The following RBFOX1 variants were observed in gnomAD, a reference collection of about 807,000 sequenced individuals.
RBFOX1 encodes RNA binding protein fox-1 homolog 1.
A neutral mutation model predicts 57.7 loss-of-function variants in RBFOX1; 8 were observed. That is an observed-to-expected ratio of 0.14 (90% confidence interval 0.08 to 0.25). The LOEUF is 0.25. RBFOX1 is among the 10% of genes least tolerant of loss of function. The pLI, the probability that RBFOX1 is intolerant of heterozygous loss-of-function variation, is 1.00. For missense variants in RBFOX1, 611 were observed against 548.5 expected (o/e 1.11, Z -1.14); for synonymous variants, 326 against 222.4 (o/e 1.47, Z -4.15).
intron 1 of RBFOX1, among the ~76,000 whole-genome samples, chr16:5,362,728 C>T (rs112899802): frequency 5.3e-5 from 8 of 152,232 alleles, no homozygotes; most frequent in Admixed American, 1.3e-4. Flanking sequence ...CCCCGACAAC[C>T]ACCATTTTGC....
intron 3 of RBFOX1, among the ~76,000 whole-genome samples, chr16:6,927,445 A>G (rs2075806027): frequency 7.6e-6 from 1 of 131,540 alleles, no homozygotes; most frequent in African/African-American, 2.9e-5. Context: ...AAAAATCCGA[A>G]CGTCTCGTGT....
chr16:7,124,816 C>T (rs563986190), intron 4 of RBFOX1, among the ~76,000 whole-genome samples: 13 of 152,034 alleles, frequency 8.6e-5, no homozygotes, highest in African/African-American at 3.1e-4. Flanking sequence ...AGAGACAGTC[C>T]GTATCCTGTT....
intron 2 of RBFOX1, among the ~76,000 whole-genome samples, chr16:5,550,405 G>A (rs1039044717): frequency 2.0e-5 from 3 of 152,184 alleles, no homozygotes; most frequent in Non-Finnish European, 2.9e-5. Context: ...GAGCCACCCT[G>A]GGCTCTGATT....
intron 3 of RBFOX1, among the ~76,000 whole-genome samples, chr16:6,941,931 C>T (rs896031650): frequency 6.6e-6 from 1 of 152,088 alleles, no homozygotes; most frequent in African/African-American, 2.4e-5. Flanking sequence ...CTTCAGTCTC[C>T]CAAGTAGCTG....
intron 4 of RBFOX1, among the ~76,000 whole-genome samples, chr16:7,240,947 C>G (rs1283773557): frequency 6.6e-6 from 1 of 152,184 alleles, no homozygotes; most frequent in African/African-American, 2.4e-5. Flanking sequence ...AAGTTTCTAA[C>G]TTTGTTGGAA....
intron 4 of RBFOX1, among the ~76,000 whole-genome samples, chr16:5,974,840 C>G (rs745507131): frequency 6.6e-6 from 1 of 151,984 alleles, no homozygotes; most frequent in Non-Finnish European, 1.5e-5. Context: ...GAAACCCTGT[C>G]TCTATTAAAA....
chr16:7,637,484 T>C (rs1297364269), intron 11 of RBFOX1, among the ~76,000 whole-genome samples: 2 of 152,194 alleles, frequency 1.3e-5, no homozygotes, highest in African/African-American at 4.8e-5. Flanking sequence ...GGCAGAAACA[T>C]ACATAAATCA....
At position 6,256,299 on chromosome 16, in the gene RBFOX1, G is replaced by GTA. The variant is rs1343136996; in HGVS notation, c.-126-60684_-126-60683dup. Among the ~76,000 whole-genome samples, 147 of 131,414 alleles carry GTA rather than the reference G, an allele frequency of 1.1e-3. 5 individuals are homozygous for GTA. Among genetic ancestry groups the GTA allele is most frequent in the South Asian group, 8.2e-3 (35 of 4,248 alleles). The allele number at this position is 131,414 out of a possible 152,430, so 86.2% of individuals were successfully genotyped here. A position where few individuals can be genotyped will look rare whatever the true frequency, so the allele number is the denominator to read the frequency against. ...TATATATATGTGTGTATATATATAT[G>GTA]TATATATATATATGTATATATATAA... On this transcript the variant is annotated intron_variant, in intron 1 of 15. Transcript: ENST00000550418.
At chr16:6,275,098 G>A (rs1057232381) in intron 1 of RBFOX1, among the ~76,000 whole-genome samples, 3 of 152,192 alleles carry the variant, frequency 2.0e-5, no homozygotes, top group Admixed American at 6.5e-5. Context: ...ATGTAAGTGT[G>A]TGTACATACC....
chr16:5,564,843 G>A (rs145376131), intron 2 of RBFOX1, among the ~76,000 whole-genome samples: 43 of 152,238 alleles, frequency 2.8e-4, no homozygotes, highest in African/African-American at 9.6e-4. Flanking sequence ...TGCCATCATC[G>A]TGGCTGGGCA....
intron 1 of RBFOX1, among the ~76,000 whole-genome samples, chr16:6,089,768 G>C (rs534235889): frequency 7.2e-5 from 11 of 152,268 alleles, no homozygotes; most frequent in African/African-American, 2.6e-4. Context: ...TTAGAGGTGG[G>C]TGTTTATAGA....
At chr16:6,440,935 T>C (rs922351510) in intron 2 of RBFOX1, among the ~76,000 whole-genome samples, 5 of 152,060 alleles carry the variant, frequency 3.3e-5, no homozygotes, top group Non-Finnish European at 7.4e-5. Context: ...GGATGCTTGA[T>C]ATTCAGAGCT....
chr16:6,071,669 G>A (rs1339299853), intron 1 of RBFOX1, among the ~76,000 whole-genome samples: 7 of 152,274 alleles, frequency 4.6e-5, no homozygotes, highest in South Asian at 4.1e-4. Context: ...TAAGCACTAC[G>A]TTGTACAGTA....
intron 2 of RBFOX1, among the ~76,000 whole-genome samples, chr16:6,350,494 A>C (rs2086171560): frequency 8.1e-6 from 1 of 122,732 alleles, no homozygotes; most frequent in East Asian, 2.4e-4. Flanking sequence ...AAAAAAAAAA[A>C]AAAAACAGTG....
At chr16:5,889,728 C>T (rs1390693415) in intron 4 of RBFOX1, among the ~76,000 whole-genome samples, 2 of 152,184 alleles carry the variant, frequency 1.3e-5, no homozygotes, top group Non-Finnish European at 2.9e-5. Context: ...AGGGATCTCA[C>T]CTAGTCCTGG....
At chr16:6,071,522 TA>T (rs5815279) in intron 1 of RBFOX1, among the ~76,000 whole-genome samples, 44,528 of 152,034 alleles carry the variant, frequency 0.29, 6,750 homozygotes, top group African/African-American at 0.33. Context: ...GTCCTGAACT[TA>T]AAAAAACTGT....
chr16:6,557,409 G>C (rs1290920554), intron 2 of RBFOX1, among the ~76,000 whole-genome samples: 2 of 152,084 alleles, frequency 1.3e-5, no homozygotes, highest in Non-Finnish European at 2.9e-5. Context: ...ATGTGAACCA[G>C]ACTGGGACAG....
intron 4 of RBFOX1, among the ~76,000 whole-genome samples, chr16:7,443,753 T>A (rs1185138166): frequency 6.6e-6 from 1 of 152,180 alleles, no homozygotes; most frequent in African/African-American, 2.4e-5. Context: ...CCGAAAACTT[T>A]GAGAGTTGCC....
chr16:6,758,723 T>C (rs2076174565), intron 3 of RBFOX1, among the ~76,000 whole-genome samples: 1 of 152,224 alleles, frequency 6.6e-6, no homozygotes, highest in African/African-American at 2.4e-5. Flanking sequence ...TTACATTAAA[T>C]GCTTATATTG....
Sources: allele counts gnomAD v4.1 joint callset (sites outside exome capture counted in the v4.1 genomes callset), GRCh38; gene constraint gnomAD v4.1.1; transcripts MANE v1.5; gene names NCBI Gene and HGNC (gene_info 2026-07-23, HGNC 2026-07-21).